The following DLGAP2 variants were observed in gnomAD, a reference collection of about 807,000 sequenced individuals.
DLGAP2 encodes DLG associated protein 2.
A neutral mutation model predicts 100.3 loss-of-function variants in DLGAP2; 26 were observed. The ratio of observed to expected loss-of-function variants is 0.26; its 90% CI spans 0.19 to 0.36. The LOEUF (loss-of-function observed/expected upper bound fraction) is 0.36. DLGAP2 is among the 10% of genes least tolerant of loss of function. The pLI is 1.00. For missense variants in DLGAP2, 1,858 were observed against 1,453.2 expected, an observed-to-expected ratio of 1.28 and a Z score of -4.53; for synonymous variants, 886 against 630.1, an observed-to-expected ratio of 1.41 and a Z score of -6.08.
At chr8:984,432 G>T (rs1399134969) in intron 2 of DLGAP2, among the ~76,000 whole-genome samples, 1 of 152,218 alleles carries the variant, frequency 6.6e-6, no homozygotes, top group African/African-American at 2.4e-5. Flanking sequence ...TCCAGGAGCT[G>T]GTAGCTCTCA....
chr8:1,080,123 A>C (rs1410851785), intron 2 of DLGAP2, among the ~76,000 whole-genome samples: 9 of 152,198 alleles, frequency 5.9e-5, no homozygotes. Context: ...GCCGTGCTGC[A>C]GGTTCGCTGG....
intron 2 of DLGAP2, among the ~76,000 whole-genome samples, chr8:1,204,972 G>C (rs947095161): frequency 2.6e-5 from 4 of 152,150 alleles, no homozygotes; most frequent in African/African-American, 9.7e-5. Flanking sequence ...ATTCAGTGGG[G>C]CTGACAGCTC....
intron 3 of DLGAP2, among the ~76,000 whole-genome samples, chr8:1,458,728 C>T (rs563692643): frequency 3.9e-4 from 59 of 152,332 alleles, no homozygotes; most frequent in Non-Finnish European, 1.8e-4. Context: ...TGCACACAGC[C>T]TTCAGGACCC....
chr8:1,318,383 C>A (rs78080540), intron 3 of DLGAP2, among the ~76,000 whole-genome samples: 1 of 151,626 alleles, frequency 6.6e-6, no homozygotes, highest in Non-Finnish European at 1.5e-5. Context: ...GTATTTCTCC[C>A]ACAGGGCTCC....
intron 2 of DLGAP2, among the ~76,000 whole-genome samples, chr8:959,914 A>G (rs1031184960): frequency 6.6e-6 from 1 of 152,208 alleles, no homozygotes; most frequent in Non-Finnish European, 1.5e-5. Flanking sequence ...AGCTGTCTCA[A>G]AAAGGATTTA....
chr8:1,475,731 G>C (rs1374372815), intron 3 of DLGAP2, among the ~76,000 whole-genome samples: 2 of 152,156 alleles, frequency 1.3e-5, no homozygotes, highest in Non-Finnish European at 2.9e-5. Context: ...CTGCCGGCTT[G>C]GGGAGCTCAA....
chr8:1,409,885 A>T (rs1796681013), intron 3 of DLGAP2, among the ~76,000 whole-genome samples: 2 of 152,144 alleles, frequency 1.3e-5, no homozygotes, highest in South Asian at 4.1e-4. Context: ...CTTAGACTGA[A>T]TTACACCTGA....
chr8:1,481,388 C>T (rs1179157123), intron 3 of DLGAP2, among the ~76,000 whole-genome samples: 4 of 150,118 alleles, frequency 2.7e-5, no homozygotes, highest in Admixed American at 2.7e-4. Flanking sequence ...TTTCCAATGG[C>T]AAAGCCTTTT....
At position 1,701,406 on chromosome 8, in the gene DLGAP2, AG is replaced by A; in HGVS notation, c.*3del. On this transcript the variant is annotated 3_prime_UTR_variant, in exon 15 of 15. Transcript: ENST00000637795. ...TCCCCGAGGCCCAGACCCGGCTCTG[AG>A]GGCGGAGGCCGGCGCCTTCCCCTCG... The A allele has an allele frequency of 6.3e-7, 1 of 1,584,154 alleles. No individual in the cohort carries two copies. The highest frequency in any genetic ancestry group is 8.6e-7 in the Non-Finnish European group (1 of 1,166,328).
At chr8:1,437,716 C>A (rs1797687967) in intron 3 of DLGAP2, among the ~76,000 whole-genome samples, 1 of 150,426 alleles carries the variant, frequency 6.6e-6, no homozygotes, top group South Asian at 2.1e-4. Flanking sequence ...GCCTGTAATC[C>A]CAGCACTTTG....
At chr8:1,306,025 G>C (rs1353719437) in intron 3 of DLGAP2, among the ~76,000 whole-genome samples, 1 of 143,104 alleles carries the variant, frequency 7.0e-6, no homozygotes, top group Non-Finnish European at 1.5e-5. Context: ...AAGAGGAAAT[G>C]CCACTTCTAC....
At chr8:869,944 G>T (rs571229108) in intron 1 of DLGAP2, among the ~76,000 whole-genome samples, 1 of 151,866 alleles carries the variant, frequency 6.6e-6, no homozygotes, top group Non-Finnish European at 1.5e-5. Context: ...GAGGTTATTG[G>T]TGGTTTCTTC....
rs1416602262 is a variant in DLGAP2, at chr8:968,816, C to T, written c.73+60850C>T. Reference sequence around the variant, plus strand: ...AGCTGCGACTCCACGTATAATGAGTCGCAGTGGATCCACGTATAATGGATC... The same window carrying T: ...AGCTGCGACTCCACGTATAATGAGTTGCAGTGGATCCACGTATAATGGATC... On this transcript the variant is annotated intron_variant, in intron 2 of 14. Coordinates refer to ENST00000637795, the MANE Select transcript of DLGAP2 (RefSeq NM_001346810.2). Among the ~76,000 whole-genome samples, 7 of 152,128 alleles carry T rather than the reference C, an allele frequency of 4.6e-5. No individual in the cohort carries two copies. The South Asian group carries it at 8.3e-4, about 18-fold the overall frequency.
chr8:1,445,552 G>C (rs1251736527), intron 3 of DLGAP2, among the ~76,000 whole-genome samples: 11 of 151,980 alleles, frequency 7.2e-5, no homozygotes, highest in Non-Finnish European at 1.5e-4. Context: ...ATAAACACAC[G>C]CGTGCACGTG....
At chr8:890,400 T>A (rs1024003293) in intron 1 of DLGAP2, among the ~76,000 whole-genome samples, 1 of 151,942 alleles carries the variant, frequency 6.6e-6, no homozygotes. Flanking sequence ...CCATGGAACG[T>A]TTTTTTTCCC....
At chr8:854,830 C>T (rs780645556) in intron 1 of DLGAP2, among the ~76,000 whole-genome samples, 10 of 152,134 alleles carry the variant, frequency 6.6e-5, no homozygotes, top group South Asian at 4.1e-4. Context: ...CCCTGAGATG[C>T]GATGAAGCTC....
chr8:1,386,991 T>C (rs1218009301), intron 3 of DLGAP2, among the ~76,000 whole-genome samples: 2 of 152,210 alleles, frequency 1.3e-5, no homozygotes, highest in Non-Finnish European at 2.9e-5. Context: ...GAATAATGTT[T>C]ACCTAAAAAT....
At chr8:1,646,660 G>A (rs982216233) in intron 8 of DLGAP2, among the ~76,000 whole-genome samples, 3 of 152,182 alleles carry the variant, frequency 2.0e-5, no homozygotes, top group African/African-American at 7.2e-5. Context: ...TTGGGGGAAT[G>A]TTCATTAAAA....
intron 2 of DLGAP2, among the ~76,000 whole-genome samples, chr8:1,138,157 G>A (rs930938450): frequency 2.6e-5 from 4 of 152,218 alleles, no homozygotes; most frequent in Non-Finnish European, 4.4e-5. Flanking sequence ...GAGGGGAAAC[G>A]GGGTGTCTCC....
Sources: gnomAD v4.1 joint callset for allele counts (sites outside exome capture counted in the v4.1 genomes callset) on GRCh38, gnomAD v4.1.1 for gene constraint, MANE v1.5 for transcripts, NCBI Gene and HGNC (gene_info 2026-07-23, HGNC 2026-07-21) for gene names.